The following BRD2 variants were observed in gnomAD, a reference collection of about 807,000 sequenced individuals.
BRD2 encodes bromodomain-containing protein 2.
Under a neutral mutation model 79.1 loss-of-function variants are expected in BRD2, and 15 were observed. That is an observed-to-expected ratio of 0.19 (90% confidence interval 0.13 to 0.29). BRD2 has a LOEUF of 0.29. BRD2 is among the 10% of genes least tolerant of loss of function. BRD2 has a pLI of 1.00. For synonymous variants in BRD2, 488 were observed against 358.6 expected (o/e 1.36, Z -4.08); for missense variants, 1,053 against 991.3 (o/e 1.06, Z -0.84).
Position 32,976,172 on chromosome 6 carries a change from AG to A in BRD2, c.610+5del. The A allele has an allele frequency of 6.2e-7, 1 of 1,609,712 alleles. No homozygotes were observed. Among genetic ancestry groups the A allele is most frequent in the Non-Finnish European group, 8.5e-7 (1 of 1,179,128 alleles). ...CAAGAAGGGGGCCAAGTTGGCAGGT[AG>A]GAAGAGTGGGAGTTTTGCAAATGGA... On this transcript the variant is annotated splice_donor_region_variant and intron_variant, in intron 5 of 12. Coordinates refer to ENST00000374825, the MANE Select transcript of BRD2 (RefSeq NM_005104.4).
intron 2 of BRD2, among the ~76,000 whole-genome samples, 176 bp from the exon 3 acceptor site, chr6:32,974,286 C>T (rs543667147): frequency 3.9e-5 from 6 of 152,128 alleles, no homozygotes; most frequent in Non-Finnish European, 8.8e-5. Flanking sequence ...AAAAGGAAGG[C>T]GGGGCCAGCA....
In BRD2 at chr6:32,972,260, A is replaced by T. The variant is rs570126952; in HGVS notation, c.-639A>T. 1.2e-4 allele frequency: 55 copies of T among 447,644 alleles called. 1 individual carries two copies. The East Asian group carries it at 2.6e-3, about 21-fold the overall frequency. The allele number at this position is 447,644 out of a possible 1,614,324, so 27.7% of individuals were successfully genotyped here. On this transcript the variant is annotated 5_prime_UTR_variant, in exon 2 of 13. Transcript: ENST00000374825. Reference sequence around the variant, plus strand: ...GCTGGAGGATTCTGCCTACCGATACAGAGCCTTCGAGTCGTCCGGGGCCGC... The same window carrying T: ...GCTGGAGGATTCTGCCTACCGATACTGAGCCTTCGAGTCGTCCGGGGCCGC...
chr6:32,975,983 T>A (rs1281940128), intron 4 of BRD2, 48 bp from the exon 5 acceptor site: 3 of 1,562,062 alleles, frequency 1.9e-6, no homozygotes, highest in African/African-American at 1.4e-5. Flanking sequence ...GTATCTATCT[T>A]CTGTTGGCAT....
rs1032984284 is a variant in BRD2, at chr6:32,972,172, A to G, written c.-727A>G. The G allele has an allele frequency of 1.3e-5, 8 of 593,438 alleles. No individual in the cohort carries two copies. The highest frequency in any genetic ancestry group is 3.7e-5 in the African/African-American group (2 of 53,828). 36.8% of individuals were successfully genotyped at this position (593,438 alleles called of 1,614,324 possible). ...AAGCTCCTCCTCCCCGCCTATATAT[A>G]AAGGGCTGGCGCGGGGCTCGGCGGC... On this transcript the variant is annotated 5_prime_UTR_variant, in exon 2 of 13. The change creates a new upstream start codon in the 5' untranslated region. Coordinates refer to ENST00000374825, the MANE Select transcript of BRD2 (RefSeq NM_005104.4).
chr6:32,977,076 G>T, intron 7 of BRD2, 140 bp downstream of exon 7: 2 of 1,289,910 alleles, frequency 1.6e-6, no homozygotes, highest in Non-Finnish European at 2.1e-6. Context: ...GGAACAGAAG[G>T]TCTGGTGTTT....
chr6:32,977,877 G>A lies in BRD2; in HGVS notation c.1450G>A (p.Glu484Lys). The A allele has an allele frequency of 6.2e-7, 1 of 1,613,142 alleles. No individual in the cohort carries two copies. The highest frequency in any genetic ancestry group is 8.5e-7 in the Non-Finnish European group (1 of 1,180,032). Residue 484 changes from glutamate to lysine, a missense_variant, in exon 9 of 13, where the codon GAA becomes AAA. Physicochemically the swap from Glu to Lys is moderately conservative, Grantham distance 56. This residue lies in a region of BRD2 where 454 missense variants were observed against 430.5 expected (regional missense o/e 1.05). Coordinates refer to ENST00000374825, the MANE Select transcript of BRD2 (RefSeq NM_005104.4). The part of the protein sequence containing the change: ...AKSSSESSSE[E>K]SSSESSSEEE... The stretch of plus-strand genomic sequence containing the variant: ...ATCGTCTTCAGAGTCCTCCAGTGAG[G>A]AAAGTAGCAGTGAGAGCTCCTCTGA...
intron 1 of BRD2, 42 bp downstream of exon 1, chr6:32,969,098 C>T (rs1293815857): frequency 1.8e-5 from 9 of 513,060 alleles, no homozygotes; most frequent in Non-Finnish European, 2.8e-5. Flanking sequence ...CAGTCAAGTG[C>T]TTAACCAATG....
At chr6:32,969,495 A>C (rs1051053870) in intron 1 of BRD2, 1 of 597,156 alleles carries the variant, frequency 1.7e-6, no homozygotes, top group Non-Finnish European at 3.1e-6. Context: ...CCAGGCGCCA[A>C]CTTCCTTTCT....
rs1779326985 is a variant in BRD2, at chr6:32,980,128, C to T, written c.2142C>T (p.Pro714=). The stretch of plus-strand genomic sequence containing the variant: ...GCCTACGTAAGAAACCCCGGAAGCC[C>T]TACAGTACGTATGAAATGAGGTTCA... ...LSCLRKKPRK[P]YTIKKPVGKT... The change falls in exon 11 of 13, where the codon CCC becomes CCT. Residue 714 remains proline, a synonymous_variant. Coordinates refer to ENST00000374825, the MANE Select transcript of BRD2 (RefSeq NM_005104.4). The T allele has an allele frequency of 3.7e-6, 6 of 1,610,772 alleles. No homozygotes were observed. Among genetic ancestry groups the T allele is most frequent in the Non-Finnish European group, 5.1e-6 (6 of 1,179,326 alleles).
chr6:32,977,214 G>A (rs1435255231), intron 7 of BRD2: 3 of 1,513,534 alleles, frequency 2.0e-6, no homozygotes, highest in African/African-American at 1.4e-5. Flanking sequence ...TGGAAAAACA[G>A]GCATAGGCCA....
At chr6:32,978,472 A>G (rs1779078204) in intron 10 of BRD2, 84 bp downstream of exon 10, 2 of 1,541,092 alleles carry the variant, frequency 1.3e-6, no homozygotes, top group East Asian at 2.3e-5. Context: ...AGATAATTCT[A>G]AATGGCCAGT....
At position 32,978,116 on chromosome 6, in the gene BRD2, T is replaced by C. The variant is rs780269183; in HGVS notation, c.1579-10T>C. The stretch of plus-strand genomic sequence containing the variant: ...TTTACTTTTTCCACTTCATGTTTTT[T>C]TTCCTTTAGCTTCGGGCAGTACATG... On this transcript the variant is annotated splice_polypyrimidine_tract_variant and intron_variant, in intron 9 of 12. Transcript: ENST00000374825. The C allele has an allele frequency of 6.3e-7, 1 of 1,595,198 alleles. No homozygotes were observed. The highest frequency in any genetic ancestry group is 2.2e-5 in the East Asian group (1 of 44,768).
rs899454196 is a variant in BRD2 at position 32,971,953 on chromosome 6, G to A, written c.-946G>A. The A allele has an allele frequency of 7.1e-6, 5 of 702,898 alleles. No homozygotes were observed. Among genetic ancestry groups the A allele is most frequent in the Middle Eastern group, 2.3e-4 (1 of 4,370 alleles). The allele number at this position is 702,898 out of a possible 1,614,324, so 43.5% of individuals were successfully genotyped here. A position where few individuals can be genotyped will look rare whatever the true frequency, so the allele number is the denominator to read the frequency against. ...TTGCCACTTCCCTGTGGGTCTCTGC[G>A]GCACTCTTCTGCCTGGTGACTGACA... On this transcript the variant is annotated 5_prime_UTR_variant, in exon 2 of 13. Coordinates refer to ENST00000374825, the MANE Select transcript of BRD2 (RefSeq NM_005104.4).
At chr6:32,975,341 C>T in intron 3 of BRD2, 43 bp from the exon 4 acceptor site, 1 of 1,502,738 alleles carries the variant, frequency 6.7e-7, no homozygotes, top group Non-Finnish European at 9.1e-7. Flanking sequence ...TCCCTATAAG[C>T]ATTTATTTTT....
At chr6:32,975,824 TC>T (rs899235302) in intron 4 of BRD2, among the ~76,000 whole-genome samples, 5 of 138,492 alleles carry the variant, frequency 3.6e-5, no homozygotes, top group Admixed American at 7.1e-5. Context: ...TCAAGTTTTT[TC>T]TTCTTTCGAA....
rs965308357 is a variant in BRD2 at position 32,971,819 on chromosome 6, G to A, written c.-1080G>A. On this transcript the variant is annotated 5_prime_UTR_variant, in exon 2 of 13. Transcript: ENST00000374825. ...ACTTTGTTGGAAGGGGAGGCGGGGAGAGAGTGCTGGAGGCTCTGGGGCGAT... is the reference window on the plus strand; with the variant it reads ...ACTTTGTTGGAAGGGGAGGCGGGGAAAGAGTGCTGGAGGCTCTGGGGCGAT... 4.6e-6 allele frequency: 3 copies of A among 652,606 alleles called. No homozygotes were observed. The highest frequency in any genetic ancestry group is 1.8e-5 in the African/African-American group (1 of 55,430). 40.4% of individuals were successfully genotyped at this position (652,606 alleles called of 1,614,324 possible).
chr6:32,973,128 A>C (rs754517349), intron 2 of BRD2: 2 of 1,551,224 alleles, frequency 1.3e-6, no homozygotes. Context: ...AGGGGAATAC[A>C]GGTTGTCAAT....
rs371411903 is a variant in BRD2, at chr6:32,975,693, T to C, written c.471+172T>C. ...TAGATGGTACTATTGAACACAGTGA[T>C]GTGACTTCAGAGCTCTAGTTGAAGG... On this transcript the variant is annotated intron_variant, in intron 4 of 12. Coordinates refer to ENST00000374825, the MANE Select transcript of BRD2 (RefSeq NM_005104.4). Among the ~76,000 whole-genome samples the C allele has an allele frequency of 2.0e-5, 3 of 152,352 alleles. No individual in the cohort carries two copies. The South Asian group carries it at 6.2e-4, about 32-fold the overall frequency.
intron 3 of BRD2, 137 bp from the exon 4 acceptor site, chr6:32,975,247 C>T: frequency 8.9e-7 from 1 of 1,120,338 alleles, no homozygotes; most frequent in South Asian, 1.5e-5. Flanking sequence ...TTAATTGGGG[C>T]CGCAGTTTAA....
Sources: gnomAD v4.1 joint callset for allele counts (sites outside exome capture counted in the v4.1 genomes callset) on GRCh38, gnomAD v4.1.1 for gene constraint, gnomAD v4.1.1 regional missense constraint, MANE v1.5 for transcripts, NCBI Gene and HGNC (gene_info 2026-07-23, HGNC 2026-07-21) for gene names.